Variants in LRMDA observed in about 807,000 individuals in gnomAD.
LRMDA encodes the protein leucine-rich melanocyte differentiation-associated protein.
Under a neutral mutation model 29.8 loss-of-function variants are expected in LRMDA, and 18 were observed. That is an observed-to-expected ratio of 0.60 (90% CI 0.42 to 0.90). LRMDA has a LOEUF of 0.90. LRMDA is among the 40% of genes least tolerant of loss of function. LRMDA has a pLI of 0.00. For synonymous variants in LRMDA, 125 were observed against 109.4 expected (o/e 1.14, Z -0.89); for missense variants, 273 against 273.9 (o/e 1.00, Z 0.02).
intron 2 of LRMDA, among the ~76,000 whole-genome samples, chr10:75,834,648 A>G (rs2132294556): frequency 6.6e-6 from 1 of 152,288 alleles, no homozygotes; most frequent in East Asian, 1.9e-4. Context: ...ATTGCTTTCA[A>G]GTTGTGCTTT....
chr10:76,297,368 G>C (rs1840424588), intron 5 of LRMDA, among the ~76,000 whole-genome samples: 1 of 152,192 alleles, frequency 6.6e-6, no homozygotes, highest in African/African-American at 2.4e-5. Flanking sequence ...ATAACTTAGA[G>C]TGGGATACAG....
chr10:75,531,973 G>A (rs1324358297), intron 2 of LRMDA, among the ~76,000 whole-genome samples: 2 of 148,692 alleles, frequency 1.3e-5, no homozygotes, highest in African/African-American at 5.0e-5. Context: ...TCGAGCCCAG[G>A]AATTTGAGGC....
rs573555847 is a variant in LRMDA, at chr10:75,828,306, GA to G, written c.132-207698del. Among the ~76,000 whole-genome samples, 10 of 152,250 alleles carry G rather than the reference GA, an allele frequency of 6.6e-5. No individual in the cohort carries two copies. In the South Asian group the frequency reaches 2.1e-3, roughly 32 times the overall value. Reference sequence around the variant, plus strand: ...TTTTCTTAAGGAGTTGTTGGTAGGTGAAAAGAAAGTTCAACCAGGTCCAATT... The same window carrying G: ...TTTTCTTAAGGAGTTGTTGGTAGGTGAAAGAAAGTTCAACCAGGTCCAATT... On this transcript the variant is annotated intron_variant, in intron 2 of 6. Transcript: ENST00000611255.
intron 2 of LRMDA, among the ~76,000 whole-genome samples, chr10:75,621,011 C>T (rs1333666848): frequency 2.6e-5 from 4 of 151,994 alleles, no homozygotes; most frequent in East Asian, 1.9e-4. Flanking sequence ...CCCCGTGTCC[C>T]CAAAGTCTAA....
intron 2 of LRMDA, among the ~76,000 whole-genome samples, chr10:75,641,939 C>G (rs1252995617): frequency 6.6e-6 from 1 of 152,102 alleles, no homozygotes; most frequent in Non-Finnish European, 1.5e-5. Flanking sequence ...AATTTTGGAT[C>G]TGGAAATAAG....
intron 2 of LRMDA, among the ~76,000 whole-genome samples, chr10:75,593,560 A>G (rs960369153): frequency 6.6e-6 from 1 of 152,276 alleles, no homozygotes; most frequent in Non-Finnish European, 1.5e-5. Flanking sequence ...AAAGAAAAGT[A>G]TACGAATGGA....
chr10:76,092,826 A>G lies in LRMDA; in HGVS notation c.516+34043A>G, dbSNP rs529306446. Among the ~76,000 whole-genome samples the G allele has an allele frequency of 1.4e-3, 214 of 152,374 alleles. 2 individuals are homozygous for G. Among genetic ancestry groups the G allele is most frequent in the African/African-American group, 4.9e-3 (203 of 41,586 alleles). On this transcript the variant is annotated intron_variant, in intron 5 of 6. Transcript: ENST00000611255. ...GCCCAATAGGTACACACATCCCTTT[A>G]GTAAACAAGTGTGAATCTTGAAGAA...
intron 4 of LRMDA, among the ~76,000 whole-genome samples, chr10:76,050,226 A>G (rs1848507339): frequency 6.6e-6 from 1 of 152,162 alleles, no homozygotes; most frequent in South Asian, 2.1e-4. Context: ...ATGGGAAGTG[A>G]CTCGATTTAT....
At chr10:76,061,795 G>A (rs568145851) in intron 5 of LRMDA, among the ~76,000 whole-genome samples, 30 of 152,248 alleles carry the variant, frequency 2.0e-4, no homozygotes, top group African/African-American at 6.7e-4. Flanking sequence ...TGCCCAGGAC[G>A]ATTCTTCTGT....
intron 6 of LRMDA, among the ~76,000 whole-genome samples, chr10:76,398,326 T>C (rs1159769244): frequency 6.6e-6 from 1 of 152,138 alleles, no homozygotes; most frequent in African/African-American, 2.4e-5. Flanking sequence ...ATTAATGTAA[T>C]GGCAGATGTG....
At chr10:76,383,054 A>G (rs1234681020) in intron 6 of LRMDA, among the ~76,000 whole-genome samples, 1 of 152,226 alleles carries the variant, frequency 6.6e-6, no homozygotes, top group Non-Finnish European at 1.5e-5. Context: ...AATGAGCAGA[A>G]TTCTCAAGCT....
At position 75,445,939 on chromosome 10, in the gene LRMDA, G is replaced by T. The variant is rs75546854; in HGVS notation, c.131+7445G>T. Among the ~76,000 whole-genome samples, 1,538 of 152,374 alleles carry T rather than the reference G, an allele frequency of 0.01. 77 individuals are homozygous for T. In the East Asian group the frequency reaches 0.1, roughly 10 times the overall value. On this transcript the variant is annotated intron_variant, in intron 2 of 6. Transcript: ENST00000611255. ...AATTGCTTAGCAGAAAGTTTCTTAG[G>T]TAGAGCTTGCTTGTTGCTTCCTTGG... is the stretch of plus-strand genomic sequence containing the variant.
At chr10:76,253,131 G>A (rs576251228) in intron 5 of LRMDA, among the ~76,000 whole-genome samples, 39 of 152,222 alleles carry the variant, frequency 2.6e-4, no homozygotes, top group Admixed American at 3.3e-4. Flanking sequence ...TCCCTTGCTT[G>A]GGAAATTGAG....
rs963655240 is a variant in LRMDA, at chr10:76,285,465, C to T, written c.517-38936C>T. ...AAAAAAATAGATGTAACCCTTTATC[C>T]TGATAGCAGGAAGGTAGGAGGGTTT... is the stretch of plus-strand genomic sequence containing the variant. On this transcript the variant is annotated intron_variant, in intron 5 of 6. Transcript: ENST00000611255. 9.2e-5 allele frequency among the ~76,000 whole-genome samples: 14 copies of T among 152,062 alleles called. 1 individual carries two copies. The highest frequency in any genetic ancestry group is 3.4e-4 in the African/African-American group (14 of 41,480).
At chr10:76,106,695 G>A (rs1316646045) in intron 5 of LRMDA, among the ~76,000 whole-genome samples, 1 of 152,202 alleles carries the variant, frequency 6.6e-6, no homozygotes, top group Non-Finnish European at 1.5e-5. Context: ...GAGACGGAAG[G>A]TAAATCAAAT....
chr10:76,276,277 C>T (rs1840133515), intron 5 of LRMDA, among the ~76,000 whole-genome samples: 4 of 151,704 alleles, frequency 2.6e-5, no homozygotes. Flanking sequence ...GTAGCTGGGT[C>T]TACAAGCATG....
chr10:76,312,723 T>C (rs1202026257), intron 5 of LRMDA, among the ~76,000 whole-genome samples: 1 of 151,902 alleles, frequency 6.6e-6, no homozygotes, highest in Admixed American at 6.6e-5. Context: ...ATTCGGATTA[T>C]AATGAAGCTA....
intron 2 of LRMDA, among the ~76,000 whole-genome samples, chr10:75,745,621 A>G (rs868073663): frequency 2.9e-4 from 44 of 152,210 alleles, no homozygotes; most frequent in Non-Finnish European, 1.6e-4. Context: ...TATCGCTCTG[A>G]CACCATTTGT....
intron 2 of LRMDA, among the ~76,000 whole-genome samples, chr10:75,948,561 G>A (rs1278507771): frequency 3.9e-5 from 6 of 152,158 alleles, no homozygotes; most frequent in East Asian, 1.9e-4. Flanking sequence ...AAACAAGGCC[G>A]ACCAAGGTAA....
Sources: gnomAD v4.1 joint callset for allele counts (sites outside exome capture counted in the v4.1 genomes callset) on GRCh38, gnomAD v4.1.1 for gene constraint, MANE v1.5 for transcripts, NCBI Gene and HGNC (gene_info 2026-07-23, HGNC 2026-07-21) for gene names.